The following EPHA3 variants were observed in gnomAD, a reference collection of about 807,000 sequenced individuals.
The protein encoded by EPHA3 is EPH receptor A3, also known as ephrin type-A receptor 3.
Under a neutral mutation model 107.1 loss-of-function variants are expected in EPHA3, and 42 were observed. That is an observed-to-expected ratio of 0.39 (90% CI 0.31 to 0.51). The LOEUF is 0.51. Among genes scored for constraint, EPHA3 ranks in the 20% least tolerant of loss-of-function variants. EPHA3 has a pLI of 0.78. For synonymous variants in EPHA3, 461 were observed against 424.8 expected, an observed-to-expected ratio of 1.09 and a Z score of -1.05; for missense variants, 1,183 against 1,211.2, an observed-to-expected ratio of 0.98 and a Z score of 0.35.
intron 9 of EPHA3, among the ~76,000 whole-genome samples, chr3:89,412,170 T>C (rs963513120): frequency 2.0e-5 from 3 of 151,746 alleles, no homozygotes; most frequent in African/African-American, 4.8e-5. Flanking sequence ...TTAGAGAAAG[T>C]TAATTTATTG....
At chr3:89,291,880 C>T (rs1031422871) in intron 3 of EPHA3, among the ~76,000 whole-genome samples, 1 of 152,162 alleles carries the variant, frequency 6.6e-6, no homozygotes, top group Non-Finnish European at 1.5e-5. Flanking sequence ...CCTTACTCTA[C>T]TTTTCTAAGA....
At chr3:89,391,411 TC>T in intron 5 of EPHA3, among the ~76,000 whole-genome samples, 6 of 146,856 alleles carry the variant, frequency 4.1e-5, no homozygotes, top group African/African-American at 1.5e-4. Context: ...TCTTTTCTTT[TC>T]TTTCTTTTCT....
intron 3 of EPHA3, among the ~76,000 whole-genome samples, chr3:89,245,350 T>C (rs1488735535): frequency 2.0e-5 from 3 of 152,214 alleles, no homozygotes; most frequent in South Asian, 2.1e-4. Context: ...ATATCAGTGA[T>C]TTGTTTTTCT....
At chr3:89,250,237 C>T (rs1343587195) in intron 3 of EPHA3, among the ~76,000 whole-genome samples, 1 of 152,296 alleles carries the variant, frequency 6.6e-6, no homozygotes, top group Non-Finnish European at 1.5e-5. Context: ...AGCCACTTTC[C>T]TCTATTAGCA....
At chr3:89,275,636 C>T (rs1183798722) in intron 3 of EPHA3, among the ~76,000 whole-genome samples, 1 of 152,060 alleles carries the variant, frequency 6.6e-6, no homozygotes, top group Non-Finnish European at 1.5e-5. Context: ...TCTTTTCCAA[C>T]ACCAAATTTT....
At chr3:89,287,464 T>C (rs1482976562) in intron 3 of EPHA3, among the ~76,000 whole-genome samples, 1 of 152,092 alleles carries the variant, frequency 6.6e-6, no homozygotes, top group Non-Finnish European at 1.5e-5. Flanking sequence ...AAGCGTGACA[T>C]CTACGAGGTT....
intron 3 of EPHA3, among the ~76,000 whole-genome samples, chr3:89,233,421 A>G (rs1254204570): frequency 2.0e-5 from 3 of 152,176 alleles, no homozygotes; most frequent in Admixed American, 6.6e-5. Flanking sequence ...TTGTTAAGGC[A>G]TGAGCAGCGG....
intron 3 of EPHA3, among the ~76,000 whole-genome samples, chr3:89,325,467 A>G (rs1286656231): frequency 6.6e-6 from 1 of 152,172 alleles, no homozygotes; most frequent in African/African-American, 2.4e-5. Context: ...ACCCCTGATA[A>G]CACTTAATGT....
chr3:89,429,180 C>G lies in EPHA3; in HGVS notation c.2136+13C>G. On this transcript the variant is annotated intron_variant, in intron 12 of 16. Transcript: ENST00000336596. ...TAGTTTCCTACGTGTAAGTAAGATG[C>G]ACACACATACATATATATGAATAAA... The G allele has an allele frequency of 6.3e-7, 1 of 1,588,468 alleles. No individual in the cohort carries two copies. Among genetic ancestry groups the G allele is most frequent in the Middle Eastern group, 1.7e-4 (1 of 5,992 alleles).
chr3:89,387,674 A>T (rs921506834), intron 5 of EPHA3, among the ~76,000 whole-genome samples: 2 of 149,158 alleles, frequency 1.3e-5, no homozygotes, highest in Non-Finnish European at 2.9e-5. Flanking sequence ...GGATACTGGG[A>T]GATATTAAAA....
At chr3:89,472,384 C>T (rs1005321175) in intron 15 of EPHA3, 80 bp from the exon 16 acceptor site, 12 of 1,425,224 alleles carry the variant, frequency 8.4e-6, no homozygotes, top group East Asian at 4.6e-5. Flanking sequence ...AAGTTCCTGC[C>T]GATGTTAGTG....
intron 2 of EPHA3, among the ~76,000 whole-genome samples, chr3:89,168,579 C>A (rs1443472210): frequency 6.6e-5 from 10 of 151,912 alleles, no homozygotes; most frequent in Non-Finnish European, 1.0e-4. Flanking sequence ...GACTTCCTTT[C>A]AATTTTAATT....
intron 2 of EPHA3, among the ~76,000 whole-genome samples, chr3:89,172,493 A>G (rs1705233239): frequency 6.6e-6 from 1 of 152,210 alleles, no homozygotes; most frequent in Non-Finnish European, 1.5e-5. Flanking sequence ...AGCAAGCTTC[A>G]TTAACTCTTT....
At chr3:89,132,886 T>C (rs1463534318) in intron 2 of EPHA3, among the ~76,000 whole-genome samples, 1 of 152,132 alleles carries the variant, frequency 6.6e-6, no homozygotes, top group Non-Finnish European at 1.5e-5. Flanking sequence ...CCAGACTCTG[T>C]CTCTCAAAAA....
At chr3:89,300,091 T>C (rs1475638183) in intron 3 of EPHA3, among the ~76,000 whole-genome samples, 1 of 152,096 alleles carries the variant, frequency 6.6e-6, no homozygotes, top group Admixed American at 6.6e-5. Context: ...AGTACATTTA[T>C]GTCTTCGATA....
At chr3:89,325,155 A>G (rs1352402970) in intron 3 of EPHA3, among the ~76,000 whole-genome samples, 3 of 152,202 alleles carry the variant, frequency 2.0e-5, no homozygotes, top group Non-Finnish European at 2.9e-5. Flanking sequence ...TGTGATGAAC[A>G]TAAGAGTTCA....
intron 5 of EPHA3, among the ~76,000 whole-genome samples, chr3:89,391,424 T>TCTTTTCTTTC (rs1419505410): frequency 1.4e-5 from 2 of 140,048 alleles, no homozygotes; most frequent in Admixed American, 1.4e-4. Flanking sequence ...TTCTTTTCTT[T>TCTTTTCTTTC]TTTTTTTTTT....
At chr3:89,235,969 T>C (rs1006990275) in intron 3 of EPHA3, among the ~76,000 whole-genome samples, 9 of 152,022 alleles carry the variant, frequency 5.9e-5, no homozygotes, top group South Asian at 2.1e-4. Context: ...TCAATAAACA[T>C]GGGAAGAAAT....
chr3:89,193,982 G>A (rs1218898774), intron 2 of EPHA3, among the ~76,000 whole-genome samples: 27 of 151,780 alleles, frequency 1.8e-4, no homozygotes, highest in Admixed American at 1.7e-3. Context: ...ATTCACATTA[G>A]GCTATGAAAC....
Sources: allele counts gnomAD v4.1 joint callset (sites outside exome capture counted in the v4.1 genomes callset), GRCh38; gene constraint gnomAD v4.1.1; transcripts MANE v1.5; gene names NCBI Gene and HGNC (gene_info 2026-07-23, HGNC 2026-07-21).